The following TAFA5 variants were observed in gnomAD, a reference collection of about 807,000 sequenced individuals.
TAFA5 encodes the protein chemokine-like protein TAFA-5.
In TAFA5, 6 loss-of-function variants were observed where a neutral mutation model predicts 15.3. The ratio of observed to expected loss-of-function variants is 0.39; its 90% CI spans 0.21 to 0.77. The LOEUF (loss-of-function observed/expected upper bound fraction) is 0.77. TAFA5 is among the 30% of genes least tolerant of loss of function. The probability of loss-of-function intolerance (pLI) is 0.41; values close to 1 mark genes in which losing one functional copy is unlikely to be tolerated. For synonymous variants in TAFA5, 103 were observed against 80.7 expected, an observed-to-expected ratio of 1.28 and a Z score of -1.48; for missense variants, 161 against 193.1, an observed-to-expected ratio of 0.83 and a Z score of 0.98.
chr22:48,718,589 GC>G (rs1929475526), intron 3 of TAFA5, among the ~76,000 whole-genome samples: 1 of 151,976 alleles, frequency 6.6e-6, no homozygotes, highest in South Asian at 2.1e-4. Flanking sequence ...GAGTACCAGA[GC>G]ATCTCTGGTA....
Position 48,678,970 on chromosome 22 carries a change from CT to C in TAFA5, c.263-28746del, listed in dbSNP as rs1280685777. ...AGCTCTGCGTCCATCCCTCTCCCGT[CT>C]CCCCGTCCATCCCTCTCCCGGCTCC... is the stretch of plus-strand genomic sequence containing the variant. On this transcript the variant is annotated intron_variant, in intron 2 of 3. Transcript: ENST00000402357. Among the ~76,000 whole-genome samples, 762 of 145,522 alleles carry C rather than the reference CT, an allele frequency of 5.2e-3. 60 individuals carry two copies. Among genetic ancestry groups the C allele is most frequent in the African/African-American group, 0.02 (733 of 36,656 alleles).
chr22:48,511,717 C>T (rs184542403), intron 1 of TAFA5, among the ~76,000 whole-genome samples: 4 of 152,358 alleles, frequency 2.6e-5, no homozygotes, highest in South Asian at 2.1e-4. Context: ...CAGGCCCTGA[C>T]GCAGGCCCAT....
intron 2 of TAFA5, among the ~76,000 whole-genome samples, chr22:48,668,922 G>A (rs904627852): frequency 7.9e-5 from 12 of 152,218 alleles, no homozygotes; most frequent in African/African-American, 2.4e-4. Context: ...CTGTCTGAAC[G>A]GGCATTGCCA....
At chr22:48,725,718 T>A in intron 3 of TAFA5, among the ~76,000 whole-genome samples, 1 of 128,948 alleles carries the variant, frequency 7.8e-6, no homozygotes. Context: ...CAAGAGATAA[T>A]TCACAGAAAA....
chr22:48,660,636 T>G (rs1313392455), intron 2 of TAFA5, among the ~76,000 whole-genome samples: 1 of 152,230 alleles, frequency 6.6e-6, no homozygotes, highest in African/African-American at 2.4e-5. Flanking sequence ...CGAATTCATC[T>G]CAGCACCTCG....
intron 2 of TAFA5, among the ~76,000 whole-genome samples, chr22:48,647,131 C>G (rs1210349599): frequency 6.6e-6 from 1 of 152,094 alleles, no homozygotes; most frequent in Non-Finnish European, 1.5e-5. Flanking sequence ...GTGGTCTGGC[C>G]GAGGCTGCCA....
Position 48,519,072 on chromosome 22 carries a change from A to G in TAFA5, c.112+29368A>G, listed in dbSNP as rs1464498683. 5.9e-5 allele frequency among the ~76,000 whole-genome samples: 9 copies of G among 152,212 alleles called. No individual in the cohort carries two copies. In the East Asian group the frequency reaches 1.7e-3, roughly 29 times the overall value. ...TGACCTAGCACAATCAACAGCCTTC[A>G]GTGGCTGACCCCAGGCCGAGAGCTA... On this transcript the variant is annotated intron_variant, in intron 1 of 3. Transcript: ENST00000402357.
intron 1 of TAFA5, among the ~76,000 whole-genome samples, chr22:48,606,200 C>G (rs1332020294): frequency 2.0e-5 from 3 of 152,160 alleles, no homozygotes; most frequent in Admixed American, 6.5e-5. Flanking sequence ...CCTGGGACCC[C>G]AAAATCCCAC....
intron 1 of TAFA5, among the ~76,000 whole-genome samples, chr22:48,611,775 G>A (rs1202487000): frequency 6.6e-6 from 1 of 152,036 alleles, no homozygotes; most frequent in Non-Finnish European, 1.5e-5. Context: ...AGTAAAGCAT[G>A]TGCAACACCT....
intron 1 of TAFA5, among the ~76,000 whole-genome samples, chr22:48,637,914 G>C (rs895138633): frequency 6.6e-6 from 1 of 152,108 alleles, no homozygotes; most frequent in African/African-American, 2.4e-5. Flanking sequence ...AAACAGAGCC[G>C]AGCACAGATT....
chr22:48,674,487 C>G (rs555296422), intron 2 of TAFA5, among the ~76,000 whole-genome samples: 1 of 151,970 alleles, frequency 6.6e-6, no homozygotes, highest in Non-Finnish European at 1.5e-5. Context: ...CCTCAGCCTT[C>G]GAGTTACAGT....
chr22:48,670,403 C>T (rs376249809), intron 2 of TAFA5, among the ~76,000 whole-genome samples: 7 of 152,230 alleles, frequency 4.6e-5, no homozygotes, highest in East Asian at 1.9e-4. Context: ...CTTAAGCACA[C>T]GCTGGAAGGC....
intron 1 of TAFA5, among the ~76,000 whole-genome samples, chr22:48,573,273 T>C (rs1036651017): frequency 2.0e-5 from 3 of 152,238 alleles, no homozygotes; most frequent in African/African-American, 7.2e-5. Context: ...CACAGTTTTT[T>C]CTCTTCTGTC....
chr22:48,655,496 C>T (rs939537601), intron 2 of TAFA5, among the ~76,000 whole-genome samples: 1 of 152,120 alleles, frequency 6.6e-6, no homozygotes, highest in Non-Finnish European at 1.5e-5. Flanking sequence ...TCCATCCTCA[C>T]GTGGTGGAAG....
intron 1 of TAFA5, among the ~76,000 whole-genome samples, chr22:48,508,306 G>A (rs909192552): frequency 1.3e-5 from 2 of 152,196 alleles, no homozygotes; most frequent in African/African-American, 4.8e-5. Flanking sequence ...GTAGGCGGGG[G>A]TGCAGCCAGT....
chr22:48,644,144 T>C (rs939531514), intron 1 of TAFA5, among the ~76,000 whole-genome samples: 3 of 152,180 alleles, frequency 2.0e-5, no homozygotes, highest in Non-Finnish European at 2.9e-5. Context: ...GGTGTCGCCC[T>C]TTTCTGGGAG....
intron 2 of TAFA5, among the ~76,000 whole-genome samples, chr22:48,688,289 A>C (rs57971460): frequency 1.3e-3 from 200 of 152,340 alleles, no homozygotes; most frequent in African/African-American, 4.2e-3. Flanking sequence ...CTATTTAAAG[A>C]AAAAATAATT....
At chr22:48,620,998 A>T (rs111213433) in intron 1 of TAFA5, among the ~76,000 whole-genome samples, 1 of 29,542 alleles carries the variant, frequency 3.4e-5, no homozygotes, top group Non-Finnish European at 6.4e-5. Context: ...ACCCACCCAC[A>T]CTATCTATCC....
At chr22:48,741,249 C>T (rs1283959995) in intron 3 of TAFA5, among the ~76,000 whole-genome samples, 7 of 152,146 alleles carry the variant, frequency 4.6e-5, no homozygotes, top group African/African-American at 7.2e-5. Context: ...TCGTCCTCAC[C>T]GCTGGGTCCC....
Sources: allele counts gnomAD v4.1 joint callset (sites outside exome capture counted in the v4.1 genomes callset), GRCh38; gene constraint gnomAD v4.1.1; transcripts MANE v1.5; gene names NCBI Gene and HGNC (gene_info 2026-07-23, HGNC 2026-07-21).